The following LMBR1 variants were observed in gnomAD, a reference collection of about 807,000 sequenced individuals.
LMBR1 encodes limb development membrane protein 1.
LMBR1 carries 52 observed loss-of-function variants against 73.9 expected under a neutral mutation model. That is an observed-to-expected ratio of 0.70 (90% confidence interval 0.56 to 0.89). The LOEUF is 0.89. Among genes scored for constraint, LMBR1 ranks in the 40% least tolerant of loss-of-function variants. The pLI, the probability that LMBR1 is intolerant of heterozygous loss-of-function variation, is 0.00. For synonymous variants in LMBR1, 215 were observed against 209.4 expected (o/e 1.03, Z -0.23); for missense variants, 539 against 579.8 (o/e 0.93, Z 0.72).
chr7:156,879,126 C>T (rs943595338), intron 1 of LMBR1, among the ~76,000 whole-genome samples: 1 of 152,162 alleles, frequency 6.6e-6, no homozygotes, highest in African/African-American at 2.4e-5. Flanking sequence ...CTTCTAGACA[C>T]TGGCTTAGGA....
In LMBR1 at chr7:156,727,343, G is replaced by T. The variant is rs112053840; in HGVS notation, c.993+587C>A. 8.9e-4 allele frequency among the ~76,000 whole-genome samples: 136 copies of T among 152,268 alleles called. 2 individuals are homozygous for T. The East Asian group carries it at 0.017, about 19-fold the overall frequency. On this transcript the variant is annotated intron_variant, in intron 12 of 16. Transcript: ENST00000353442. ...GGGATGGGTACAAAAATATACTATA[G>T]GGCTTGGGACTTGTTTTGTTGGTAT...
intron 9 of LMBR1, among the ~76,000 whole-genome samples, chr7:156,752,965 AT>A: frequency 6.7e-6 from 1 of 149,694 alleles, no homozygotes; most frequent in East Asian, 2.0e-4. Flanking sequence ...GGATGGGGAA[AT>A]GATGGGGGGT....
chr7:156,883,953 C>T (rs1801495770), intron 1 of LMBR1, among the ~76,000 whole-genome samples: 1 of 152,228 alleles, frequency 6.6e-6, no homozygotes, highest in Non-Finnish European at 1.5e-5. Context: ...GGGATTACCA[C>T]ATGGATTACC....
Position 156,759,939 on chromosome 7 carries a change from G to A in LMBR1, c.684+2195C>T, listed in dbSNP as rs1358867057. On this transcript the variant is annotated intron_variant, in intron 8 of 16. Coordinates refer to ENST00000353442, the MANE Select transcript of LMBR1 (RefSeq NM_022458.4). ...GCTATTTTAAAGGGAGCAGGCATAT[G>A]AGCCAGAGTGGCAGGGTGACTAGTC... Among the ~76,000 whole-genome samples, 4 of 152,294 alleles carry A rather than the reference G, an allele frequency of 2.6e-5. 1 individual carries two copies. In the South Asian group the frequency reaches 6.2e-4, roughly 24 times the overall value.
At chr7:156,849,557 C>T (rs1189283199) in intron 1 of LMBR1, among the ~76,000 whole-genome samples, 1 of 152,122 alleles carries the variant, frequency 6.6e-6, no homozygotes, top group Non-Finnish European at 1.5e-5. Flanking sequence ...ATGCTTGCTG[C>T]TAAGTGAAAG....
chr7:156,719,015 G>A (rs1342859062), intron 15 of LMBR1, among the ~76,000 whole-genome samples: 1 of 151,752 alleles, frequency 6.6e-6, no homozygotes, highest in Non-Finnish European at 1.5e-5. Flanking sequence ...TAAGTTTTAG[G>A]GTACATGTGT....
At chr7:156,726,617 A>C (rs566662289) in intron 12 of LMBR1, among the ~76,000 whole-genome samples, 1 of 152,376 alleles carries the variant, frequency 6.6e-6, no homozygotes, top group East Asian at 1.9e-4. Flanking sequence ...GGGATAATTA[A>C]GAATCTACAG....
Position 156,699,387 on chromosome 7 carries a change from T to C in LMBR1, c.1226-11196A>G, listed in dbSNP as rs376325915. Among the ~76,000 whole-genome samples, 1,074 of 150,752 alleles carry C rather than the reference T, an allele frequency of 7.1e-3. 14 individuals carry two copies. The highest frequency in any genetic ancestry group is 0.025 in the African/African-American group (1,004 of 40,334). On this transcript the variant is annotated intron_variant, in intron 15 of 16. Transcript: ENST00000353442. ...CTGAAACTGGATCCCTTCCTTACACTTTATACAAAAATTAATTCAAGATGG... is the reference window on the plus strand; with the variant it reads ...CTGAAACTGGATCCCTTCCTTACACCTTATACAAAAATTAATTCAAGATGG...
At chr7:156,817,836 G>A (rs1225453681) in intron 4 of LMBR1, among the ~76,000 whole-genome samples, 1 of 152,068 alleles carries the variant, frequency 6.6e-6, no homozygotes, top group African/African-American at 2.4e-5. Context: ...AATAGGCATT[G>A]GATCGTAAAT....
intron 4 of LMBR1, among the ~76,000 whole-genome samples, chr7:156,797,978 T>TAA (rs11386262): frequency 1.3e-5 from 2 of 151,866 alleles, no homozygotes; most frequent in African/African-American, 4.8e-5. Flanking sequence ...TTCCAGCCTT[T>TAA]AAAAAAAGCC....
intron 16 of LMBR1, among the ~76,000 whole-genome samples, chr7:156,687,440 A>G (rs536187336): frequency 6.6e-6 from 1 of 152,330 alleles, no homozygotes; most frequent in East Asian, 1.9e-4. Flanking sequence ...ATACATTCAT[A>G]GGTTACGTTT....
intron 1 of LMBR1, among the ~76,000 whole-genome samples, chr7:156,877,465 T>C (rs1271233297): frequency 2.0e-5 from 3 of 152,132 alleles, no homozygotes; most frequent in African/African-American, 4.8e-5. Context: ...TACAGACCAA[T>C]ATCCTTGATG....
downstream of LMBR1, chr7:156,675,967 T>C (rs927994690): frequency 1.3e-4 from 161 of 1,208,006 alleles, 2 homozygotes; most frequent in Non-Finnish European, 1.5e-4. Context: ...TTGGGGAGCC[T>C]AGGAGTGTCA....
At chr7:156,890,496 A>G (rs2134629609) in intron 1 of LMBR1, among the ~76,000 whole-genome samples, 1 of 152,362 alleles carries the variant, frequency 6.6e-6, no homozygotes, top group East Asian at 1.9e-4. Flanking sequence ...GACCTTGCAA[A>G]TCAATATTAA....
chr7:156,833,957 C>G (rs1286876197), intron 2 of LMBR1, among the ~76,000 whole-genome samples, 165 bp from the exon 3 acceptor site: 1 of 152,112 alleles, frequency 6.6e-6, no homozygotes, highest in African/African-American at 2.4e-5. Flanking sequence ...ATTTAAATCT[C>G]ATTAAATCAA....
chr7:156,815,152 G>A (rs1488469268), intron 4 of LMBR1, among the ~76,000 whole-genome samples: 7 of 93,680 alleles, frequency 7.5e-5, no homozygotes, highest in South Asian at 6.5e-4. Context: ...GTGAAACTCC[G>A]TCTCAAAAAA....
At chr7:156,793,261 C>T (rs548126915) in intron 5 of LMBR1, among the ~76,000 whole-genome samples, 1 of 152,304 alleles carries the variant, frequency 6.6e-6, no homozygotes, top group East Asian at 1.9e-4. Context: ...TGATTCTAGA[C>T]TACAGAAATA....
chr7:156,688,304 C>G, intron 15 of LMBR1, 113 bp from the exon 16 acceptor site: 1 of 676,392 alleles, frequency 1.5e-6, no homozygotes, highest in Non-Finnish European at 2.4e-6. Context: ...ACTTCTGTGA[C>G]GTGAGATGCT....
chr7:156,697,706 TC>T (rs1808637184), intron 15 of LMBR1, among the ~76,000 whole-genome samples: 1 of 152,210 alleles, frequency 6.6e-6, no homozygotes, highest in Non-Finnish European at 1.5e-5. Flanking sequence ...ATGGTTGTCT[TC>T]CCTTGTTCCC....
Sources: gnomAD v4.1 joint callset for allele counts (sites outside exome capture counted in the v4.1 genomes callset) on GRCh38, gnomAD v4.1.1 for gene constraint, MANE v1.5 for transcripts, NCBI Gene and HGNC (gene_info 2026-07-23, HGNC 2026-07-21) for gene names.